TMEM117: variants seen among roughly 807,000 people sequenced by gnomAD.
TMEM117 encodes the protein transmembrane protein 117.
In TMEM117, 27 loss-of-function variants were observed where a neutral mutation model predicts 52.4. The ratio of observed to expected loss-of-function variants is 0.51; its 90% CI spans 0.38 to 0.71. The LOEUF is 0.71. TMEM117 is among the 30% of genes least tolerant of loss of function. The pLI is 0.00. For synonymous variants in TMEM117, 215 were observed against 206.3 expected (o/e 1.04, Z -0.36); for missense variants, 556 against 630.5 (o/e 0.88, Z 1.26).
intron 5 of TMEM117, among the ~76,000 whole-genome samples, chr12:44,274,944 G>T (rs929355918): frequency 1.3e-5 from 2 of 152,020 alleles, no homozygotes; most frequent in East Asian, 3.9e-4. Context: ...CAAAGGAAAA[G>T]TTGGCAAATG....
intron 4 of TMEM117, among the ~76,000 whole-genome samples, chr12:44,190,962 TTA>T (rs533840495): frequency 2.7e-5 from 4 of 147,354 alleles, no homozygotes; most frequent in Admixed American, 6.8e-5. Context: ...CTAATATATA[TTA>T]TATATATATA....
At chr12:44,336,299 A>G (rs915825636) in intron 6 of TMEM117, among the ~76,000 whole-genome samples, 8 of 152,002 alleles carry the variant, frequency 5.3e-5, no homozygotes, top group Admixed American at 1.3e-4. Context: ...TTTATCTATG[A>G]TTGTTTTTAA....
At chr12:44,204,887 A>G (rs773948179) in intron 4 of TMEM117, among the ~76,000 whole-genome samples, 2 of 152,196 alleles carry the variant, frequency 1.3e-5, no homozygotes, top group Non-Finnish European at 1.5e-5. Context: ...CTTTCACCAT[A>G]TACAAAAATC....
chr12:44,107,238 A>G (rs977629149), intron 3 of TMEM117, among the ~76,000 whole-genome samples: 4 of 152,124 alleles, frequency 2.6e-5, no homozygotes, highest in Non-Finnish European at 4.4e-5. Flanking sequence ...TCCCAGGGTT[A>G]GTAAGATATG....
intron 3 of TMEM117, among the ~76,000 whole-genome samples, chr12:44,111,687 AT>A (rs1948058181): frequency 7.2e-6 from 1 of 139,418 alleles, no homozygotes; most frequent in Non-Finnish European, 1.5e-5. Context: ...TATTCTGTTG[AT>A]TTGGGGTGGA....
intron 3 of TMEM117, among the ~76,000 whole-genome samples, chr12:43,972,244 T>G (rs1411093476): frequency 6.6e-6 from 1 of 152,180 alleles, no homozygotes; most frequent in Non-Finnish European, 1.5e-5. Flanking sequence ...ATCAACTTAT[T>G]TTGTAATCAG....
upstream of TMEM117, among the ~76,000 whole-genome samples, chr12:43,831,463 T>C (rs78269929): frequency 2.1e-4 from 32 of 152,128 alleles, no homozygotes; most frequent in Admixed American, 2.0e-3. Flanking sequence ...TTTTTTTTTT[T>C]AATAAAGACT....
intron 2 of TMEM117, among the ~76,000 whole-genome samples, chr12:43,914,386 A>G (rs573525659): frequency 6.6e-6 from 1 of 152,090 alleles, no homozygotes; most frequent in African/African-American, 2.4e-5. Context: ...TTGTGATCAC[A>G]TTTTGTTCTT....
intron 5 of TMEM117, among the ~76,000 whole-genome samples, chr12:44,296,955 G>C (rs1950776743): frequency 1.3e-5 from 2 of 152,144 alleles, no homozygotes; most frequent in South Asian, 4.1e-4. Context: ...TGGCAACTGG[G>C]TACAAGCCTG....
At chr12:43,882,986 G>C (rs1214842465) in intron 2 of TMEM117, among the ~76,000 whole-genome samples, 1 of 152,172 alleles carries the variant, frequency 6.6e-6, no homozygotes, top group Non-Finnish European at 1.5e-5. Context: ...AATATAATAA[G>C]AGCATTCTGA....
chr12:44,107,721 A>G (rs1271841886), intron 3 of TMEM117, among the ~76,000 whole-genome samples: 1 of 152,180 alleles, frequency 6.6e-6, no homozygotes, highest in Non-Finnish European at 1.5e-5. Context: ...CACAAGAAAC[A>G]TTATTTTACT....
At chr12:43,888,312 A>T (rs1230110366) in intron 2 of TMEM117, among the ~76,000 whole-genome samples, 1 of 152,176 alleles carries the variant, frequency 6.6e-6, no homozygotes, top group Non-Finnish European at 1.5e-5. Flanking sequence ...ATGTGATTCT[A>T]TGTAGTATGA....
intron 6 of TMEM117, among the ~76,000 whole-genome samples, chr12:44,310,405 G>A (rs992853744): frequency 1.3e-5 from 2 of 152,178 alleles, no homozygotes; most frequent in African/African-American, 2.4e-5. Flanking sequence ...TTGGGAGGCC[G>A]AGGCGGGTGG....
At chr12:43,831,792 T>A (rs1050459149), upstream of TMEM117, among the ~76,000 whole-genome samples, 1 of 152,140 alleles carries the variant, frequency 6.6e-6, no homozygotes, top group Non-Finnish European at 1.5e-5. Flanking sequence ...TCTGCCCACC[T>A]CAGCTTTTTC....
chr12:44,332,028 C>T lies in TMEM117; in HGVS notation c.768+32289C>T, dbSNP rs184276009. 1.0e-3 allele frequency among the ~76,000 whole-genome samples: 156 copies of T among 152,126 alleles called. 1 individual carries two copies. The highest frequency in any genetic ancestry group is 3.6e-3 in the African/African-American group (149 of 41,518). On this transcript the variant is annotated intron_variant, in intron 6 of 7. Coordinates refer to ENST00000266534, the MANE Select transcript of TMEM117 (RefSeq NM_032256.3). ...TCAACTCTGTGCTAGAGGCATCACA[C>T]TTATTTATCAATTTATCACATATCT...
intron 3 of TMEM117, among the ~76,000 whole-genome samples, chr12:44,070,463 G>A (rs1947284977): frequency 6.6e-6 from 1 of 152,228 alleles, no homozygotes; most frequent in African/African-American, 2.4e-5. Flanking sequence ...AAATGAAGAA[G>A]TTGGGGGTGG....
At chr12:43,983,637 G>T (rs773210786) in intron 3 of TMEM117, among the ~76,000 whole-genome samples, 4 of 145,838 alleles carry the variant, frequency 2.7e-5, no homozygotes, top group African/African-American at 1.0e-4. Flanking sequence ...ATAGTATGAG[G>T]ATTTACTTTA....
intron 5 of TMEM117, among the ~76,000 whole-genome samples, chr12:44,294,739 A>T (rs1950746573): frequency 1.3e-5 from 2 of 152,208 alleles, no homozygotes; most frequent in Admixed American, 6.5e-5. Flanking sequence ...GATGGCTACT[A>T]AGTGACTAAA....
chr12:43,907,441 C>T (rs1944412617), intron 2 of TMEM117, among the ~76,000 whole-genome samples: 1 of 151,518 alleles, frequency 6.6e-6, no homozygotes, highest in Non-Finnish European at 1.5e-5. Context: ...CGGAGCGCCT[C>T]TCCTCCTCCA....
Sources: allele counts gnomAD v4.1 joint callset (sites outside exome capture counted in the v4.1 genomes callset), GRCh38; gene constraint gnomAD v4.1.1; transcripts MANE v1.5; gene names NCBI Gene and HGNC (gene_info 2026-07-23, HGNC 2026-07-21).